The following ATRNL1 variants were observed in gnomAD, a reference collection of about 807,000 sequenced individuals.
ATRNL1 encodes the protein attractin-like protein 1.
A neutral mutation model predicts 182.7 loss-of-function variants in ATRNL1; 95 were observed. The observed-to-expected ratio is 0.52, with a 90% CI of 0.44 to 0.62. The LOEUF is 0.62. Ranked by LOEUF, ATRNL1 falls within the 20% of genes least tolerant of loss-of-function variation. The probability of loss-of-function intolerance (pLI) is 0.00; values close to 1 mark genes in which losing one functional copy is unlikely to be tolerated. For missense variants in ATRNL1, 1,471 were observed against 1,679.5 expected, an observed-to-expected ratio of 0.88 and a Z score of 2.17; for synonymous variants, 576 against 568.3, an observed-to-expected ratio of 1.01 and a Z score of -0.19.
intron 21 of ATRNL1, among the ~76,000 whole-genome samples, chr10:115,459,056 A>T (rs1847668257): frequency 6.6e-6 from 1 of 152,164 alleles, no homozygotes; most frequent in African/African-American, 2.4e-5. Context: ...CATAAATTGT[A>T]AAGATTTCAT....
At chr10:115,221,138 C>G (rs797034215) in intron 9 of ATRNL1, among the ~76,000 whole-genome samples, 1 of 152,168 alleles carries the variant, frequency 6.6e-6, no homozygotes, top group Non-Finnish European at 1.5e-5. Flanking sequence ...ACTCATCTGA[C>G]AGGAGGTGGA....
chr10:115,891,115 A>G (rs76766959), intron 28 of ATRNL1, among the ~76,000 whole-genome samples: 1 of 151,868 alleles, frequency 6.6e-6, no homozygotes, highest in African/African-American at 2.4e-5. Context: ...TAAAAAAAAA[A>G]TCATATGCTC....
intron 7 of ATRNL1, among the ~76,000 whole-genome samples, chr10:115,167,489 G>T (rs981999789): frequency 6.6e-6 from 1 of 151,996 alleles, no homozygotes; most frequent in South Asian, 2.1e-4. Flanking sequence ...TTATGTATTT[G>T]TGGGATTCAT....
chr10:115,114,989 ACCAACGG>A (rs1261146587), intron 1 of ATRNL1, among the ~76,000 whole-genome samples: 50 of 152,174 alleles, frequency 3.3e-4, no homozygotes, highest in African/African-American at 1.1e-3. Context: ...CTAAGTGCCC[ACCAACGG>A]ATCAATGGAT....
At chr10:115,318,486 T>C (rs1282946003) in intron 18 of ATRNL1, among the ~76,000 whole-genome samples, 1 of 152,158 alleles carries the variant, frequency 6.6e-6, no homozygotes. Flanking sequence ...TTTGTACCTC[T>C]GGTAGAATTT....
intron 13 of ATRNL1, among the ~76,000 whole-genome samples, chr10:115,279,810 A>C (rs1359535024): frequency 6.6e-6 from 1 of 152,326 alleles, no homozygotes; most frequent in African/African-American, 2.4e-5. Flanking sequence ...CAATTCTAAC[A>C]GTATTACTGT....
At chr10:115,257,154 T>G (rs1319188045) in intron 10 of ATRNL1, among the ~76,000 whole-genome samples, 2 of 152,124 alleles carry the variant, frequency 1.3e-5, no homozygotes, top group East Asian at 3.8e-4. Context: ...GGTTTGCTTG[T>G]TGCAGAGCTG....
chr10:115,258,344 C>A (rs373630081), intron 10 of ATRNL1, among the ~76,000 whole-genome samples: 1 of 151,890 alleles, frequency 6.6e-6, no homozygotes, highest in Non-Finnish European at 1.5e-5. Context: ...TTTTTCTTCT[C>A]GCTTTATTTC....
At chr10:115,833,377 G>A (rs977144513) in intron 27 of ATRNL1, among the ~76,000 whole-genome samples, 2 of 152,114 alleles carry the variant, frequency 1.3e-5, no homozygotes, top group African/African-American at 2.4e-5. Context: ...ACGGCATAGC[G>A]TGCTCAATGT....
chr10:115,844,380 A>G lies in ATRNL1; in HGVS notation c.3904-3497A>G, dbSNP rs565866925. On this transcript the variant is annotated intron_variant, in intron 27 of 28. Coordinates refer to ENST00000355044, the MANE Select transcript of ATRNL1 (RefSeq NM_207303.4). Reference sequence around the variant, plus strand: ...ACCCATTGATGTTTTCCAAACGTGCAGTGATTCATGTAGCAGGAGTTTCCC... The same window carrying G: ...ACCCATTGATGTTTTCCAAACGTGCGGTGATTCATGTAGCAGGAGTTTCCC... Among the ~76,000 whole-genome samples, 7 of 152,192 alleles carry G rather than the reference A, an allele frequency of 4.6e-5. No homozygotes were observed. In the South Asian group the frequency reaches 1.0e-3, roughly 23 times the overall value.
At chr10:115,113,682 C>T (rs1554868927) in intron 1 of ATRNL1, among the ~76,000 whole-genome samples, 1 of 152,182 alleles carries the variant, frequency 6.6e-6, no homozygotes, top group Admixed American at 6.5e-5. Flanking sequence ...TGTGCATGCT[C>T]CCCAGCCACG....
intron 26 of ATRNL1, among the ~76,000 whole-genome samples, chr10:115,617,107 G>T (rs1382126854): frequency 6.6e-6 from 1 of 152,200 alleles, no homozygotes; most frequent in Non-Finnish European, 1.5e-5. Context: ...AATAACCCCT[G>T]CAAAGCCACT....
chr10:115,376,339 G>C (rs1375202889), intron 19 of ATRNL1, among the ~76,000 whole-genome samples: 3 of 152,028 alleles, frequency 2.0e-5, no homozygotes, highest in Admixed American at 6.6e-5. Flanking sequence ...GCCCAGGCTA[G>C]AGTGCAGTGG....
At chr10:115,751,162 G>A (rs1482999521) in intron 27 of ATRNL1, among the ~76,000 whole-genome samples, 3 of 151,998 alleles carry the variant, frequency 2.0e-5, no homozygotes. Context: ...TGGAAGCAGA[G>A]GTTAGAACGG....
chr10:115,226,331 A>G (rs969298248), intron 9 of ATRNL1, among the ~76,000 whole-genome samples: 2 of 152,112 alleles, frequency 1.3e-5, no homozygotes, highest in East Asian at 1.9e-4. Flanking sequence ...AAATATCTTC[A>G]TATTTATGAG....
intron 26 of ATRNL1, among the ~76,000 whole-genome samples, chr10:115,644,429 C>T (rs1446678149): frequency 3.3e-5 from 5 of 152,126 alleles, no homozygotes; most frequent in Admixed American, 2.0e-4. Flanking sequence ...ATTTTAAACT[C>T]ATTTTTACAG....
intron 27 of ATRNL1, among the ~76,000 whole-genome samples, chr10:115,836,968 T>A (rs192498018): frequency 3.2e-4 from 48 of 152,172 alleles, no homozygotes; most frequent in African/African-American, 1.1e-3. Flanking sequence ...ATCAATTAGA[T>A]AATTAGTAGG....
chr10:115,815,000 A>G (rs1555088123), intron 27 of ATRNL1, among the ~76,000 whole-genome samples: 1 of 152,198 alleles, frequency 6.6e-6, no homozygotes, highest in African/African-American at 2.4e-5. Flanking sequence ...TTCAGGTAAC[A>G]TACCTGATCA....
chr10:115,212,368 G>A (rs1849063553), intron 8 of ATRNL1, among the ~76,000 whole-genome samples: 1 of 151,282 alleles, frequency 6.6e-6, no homozygotes, highest in Non-Finnish European at 1.5e-5. Context: ...TGAGGTTGCA[G>A]AGAAAAAGGA....
Sources: gnomAD v4.1 joint callset for allele counts (sites outside exome capture counted in the v4.1 genomes callset) on GRCh38, gnomAD v4.1.1 for gene constraint, MANE v1.5 for transcripts, NCBI Gene and HGNC (gene_info 2026-07-23, HGNC 2026-07-21) for gene names.